The following ZNF385D variants were observed in gnomAD, a reference collection of about 807,000 sequenced individuals.
ZNF385D encodes the protein zinc finger protein 659.
In ZNF385D, 15 loss-of-function variants were observed where a neutral mutation model predicts 35.8. The ratio of observed to expected loss-of-function variants is 0.42; its 90% confidence interval spans 0.28 to 0.64. The LOEUF is 0.64. Ranked by LOEUF, ZNF385D falls within the 30% of genes least tolerant of loss-of-function variation. The probability of loss-of-function intolerance (pLI) is 0.23; values close to 1 mark genes in which losing one functional copy is unlikely to be tolerated. For missense variants in ZNF385D, 474 were observed against 494.6 expected, an observed-to-expected ratio of 0.96 and a Z score of 0.39; for synonymous variants, 212 against 186.8, an observed-to-expected ratio of 1.13 and a Z score of -1.10.
intron 3 of ZNF385D, 120 bp from the exon 4 acceptor site, chr3:21,511,143 G>A (rs757384755): frequency 8.8e-5 from 110 of 1,249,510 alleles, no homozygotes; most frequent in Middle Eastern, 5.6e-4. Context: ...AATTCTGGCC[G>A]TGGCCAGACA....
chr3:22,139,427 A>G (rs1440836911), intron 3 of ZNF385D, among the ~76,000 whole-genome samples: 8 of 152,282 alleles, frequency 5.3e-5, no homozygotes, highest in Middle Eastern at 3.4e-3. Context: ...ATGGAATACT[A>G]TGCAGCCATA....
chr3:21,491,316 TAGGG>T (rs1256118284), intron 4 of ZNF385D, among the ~76,000 whole-genome samples: 1 of 151,792 alleles, frequency 6.6e-6, no homozygotes, highest in African/African-American at 2.4e-5. Context: ...TAACAAATCA[TAGGG>T]AGGATGATCA....
Position 22,008,731 on chromosome 3 carries a change from G to A in ZNF385D, c.325+160086C>T, listed in dbSNP as rs546157028. Among the ~76,000 whole-genome samples, 17 of 152,118 alleles carry A rather than the reference G, an allele frequency of 1.1e-4. No homozygotes were observed. In the East Asian group the frequency reaches 3.3e-3, roughly 29 times the overall value. On this transcript the variant is annotated intron_variant, in intron 3 of 5. Transcript: ENST00000494108. ...AAACACAACTGAAAACTGAAAAACCGTGTGAATATTTTTACACACACTGTG... is the reference window on the plus strand; with the variant it reads ...AAACACAACTGAAAACTGAAAAACCATGTGAATATTTTTACACACACTGTG...
chr3:21,884,836 G>T (rs1034531832), intron 3 of ZNF385D, among the ~76,000 whole-genome samples: 2 of 152,108 alleles, frequency 1.3e-5, no homozygotes, highest in African/African-American at 2.4e-5. Flanking sequence ...TTTAAATAAA[G>T]GTTGATTTAT....
chr3:21,815,362 C>A (rs1010338951), intron 3 of ZNF385D, among the ~76,000 whole-genome samples: 2 of 152,026 alleles, frequency 1.3e-5, no homozygotes, highest in Non-Finnish European at 2.9e-5. Flanking sequence ...GATAGAGACA[C>A]AAAATACCCT....
At chr3:21,660,644 C>G (rs2066210542) in intron 2 of ZNF385D, among the ~76,000 whole-genome samples, 1 of 152,150 alleles carries the variant, frequency 6.6e-6, no homozygotes, top group Non-Finnish European at 1.5e-5. Context: ...AGAAAACTGT[C>G]ATAAAATGTG....
At chr3:21,822,233 G>A (rs1694295422) in intron 3 of ZNF385D, among the ~76,000 whole-genome samples, 1 of 151,732 alleles carries the variant, frequency 6.6e-6, no homozygotes, top group East Asian at 2.0e-4. Context: ...CACCACGCCT[G>A]GCTAATTTTT....
chr3:21,805,765 T>A (rs76583247), intron 3 of ZNF385D, among the ~76,000 whole-genome samples: 2,866 of 152,266 alleles, frequency 0.019, 86 homozygotes, highest in African/African-American at 0.064. Flanking sequence ...CAAGTAGAGA[T>A]GCTAGTGAGC....
chr3:21,644,588 A>G (rs1456990793), intron 2 of ZNF385D, among the ~76,000 whole-genome samples: 2 of 152,188 alleles, frequency 1.3e-5, no homozygotes, highest in Non-Finnish European at 2.9e-5. Flanking sequence ...TTTCTCTTCA[A>G]TTTTATAGCA....
At chr3:21,494,263 T>G (rs1315229210) in intron 4 of ZNF385D, among the ~76,000 whole-genome samples, 1 of 152,146 alleles carries the variant, frequency 6.6e-6, no homozygotes, top group Admixed American at 6.6e-5. Flanking sequence ...CCAGCTCCCA[T>G]GCAGGTGAAA....
At chr3:22,337,483 G>A (rs1559527851) in intron 2 of ZNF385D, among the ~76,000 whole-genome samples, 1 of 152,066 alleles carries the variant, frequency 6.6e-6, no homozygotes, top group Non-Finnish European at 1.5e-5. Flanking sequence ...GCAGTGACCC[G>A]AGATTGCGCC....
intron 3 of ZNF385D, among the ~76,000 whole-genome samples, chr3:21,854,165 T>A (rs1696575266): frequency 2.0e-5 from 3 of 151,262 alleles, no homozygotes; most frequent in South Asian, 4.2e-4. Context: ...CAGTCTTAAC[T>A]TTCCTTATCT....
At chr3:22,296,569 G>A (rs1417530741) in intron 2 of ZNF385D, among the ~76,000 whole-genome samples, 1 of 152,118 alleles carries the variant, frequency 6.6e-6, no homozygotes, top group Non-Finnish European at 1.5e-5. Flanking sequence ...AAGGAGGTAG[G>A]AAACTGAATT....
intron 2 of ZNF385D, among the ~76,000 whole-genome samples, chr3:22,211,886 T>A (rs992707682): frequency 6.6e-6 from 1 of 152,036 alleles, no homozygotes; most frequent in African/African-American, 2.4e-5. Context: ...AGTTTGACTA[T>A]GTTTTTAATT....
intron 2 of ZNF385D, among the ~76,000 whole-genome samples, chr3:22,209,934 C>A (rs1039968152): frequency 6.6e-6 from 1 of 151,770 alleles, no homozygotes; most frequent in African/African-American, 2.4e-5. Context: ...TAACGGGACA[C>A]AGACAATTTC....
chr3:21,736,364 A>AT (rs1345580775), intron 1 of ZNF385D, among the ~76,000 whole-genome samples: 1 of 152,184 alleles, frequency 6.6e-6, no homozygotes, highest in Non-Finnish European at 1.5e-5. Context: ...AATAAAAATT[A>AT]TTTTTTTAAA....
chr3:22,096,722 C>T (rs547896564), intron 3 of ZNF385D, among the ~76,000 whole-genome samples: 142 of 152,178 alleles, frequency 9.3e-4, no homozygotes, highest in African/African-American at 2.7e-3. Flanking sequence ...TCATTCCCCA[C>T]GCTGTTCTAT....
intron 3 of ZNF385D, among the ~76,000 whole-genome samples, chr3:21,788,709 A>T (rs139448318): frequency 0.017 from 2,607 of 152,184 alleles, 35 homozygotes; most frequent in Non-Finnish European, 0.025. Flanking sequence ...AAAAGAATAA[A>T]CTCCTCCATG....
upstream of ZNF385D, among the ~76,000 whole-genome samples, chr3:21,754,978 A>G (rs1449520296): frequency 6.6e-6 from 1 of 152,216 alleles, no homozygotes; most frequent in African/African-American, 2.4e-5. Flanking sequence ...CAAAGTGTTC[A>G]CACAAATTGA....
Sources: allele counts gnomAD v4.1 joint callset (sites outside exome capture counted in the v4.1 genomes callset), GRCh38; gene constraint gnomAD v4.1.1; transcripts MANE v1.5; gene names NCBI Gene and HGNC (gene_info 2026-07-23, HGNC 2026-07-21).